Variants in CFAP54 observed in about 807,000 individuals in gnomAD.
CFAP54 encodes cilia and flagella associated protein 54.
In CFAP54, 290 loss-of-function variants were observed where a neutral mutation model predicts 370.4. The ratio of observed to expected loss-of-function variants is 0.78; its 90% CI spans 0.71 to 0.86. CFAP54 has a LOEUF of 0.86. Among genes scored for constraint, CFAP54 ranks in the 40% least tolerant of loss-of-function variants. CFAP54 has a pLI of 0.00. For missense variants in CFAP54, 3,399 were observed against 3,528.7 expected (o/e 0.96, Z 0.93); for synonymous variants, 1,206 against 1,236.5 (o/e 0.98, Z 0.52).
intron 39 of CFAP54, among the ~76,000 whole-genome samples, chr12:96,664,746 T>G (rs1180829070): frequency 1.2e-4 from 4 of 32,942 alleles, no homozygotes; most frequent in African/African-American, 5.2e-4. Flanking sequence ...TATCTATATA[T>G]ATATATATCT....
intron 20 of CFAP54, 73 bp downstream of exon 20, chr12:96,576,834 TTTGA>T (rs1310146309): frequency 3.2e-6 from 4 of 1,247,294 alleles, no homozygotes; most frequent in Non-Finnish European, 4.4e-6. Context: ...TGATTCATAC[TTTGA>T]TTGCTTTTAG....
chr12:96,533,577 C>G (rs1222090593), intron 9 of CFAP54, among the ~76,000 whole-genome samples: 1 of 152,128 alleles, frequency 6.6e-6, no homozygotes, highest in Non-Finnish European at 1.5e-5. Flanking sequence ...CCTAACTGCC[C>G]TCCTTCCCCA....
intron 13 of CFAP54, among the ~76,000 whole-genome samples, chr12:96,539,593 T>G (rs1162576943): frequency 6.6e-6 from 1 of 152,072 alleles, no homozygotes; most frequent in African/African-American, 2.4e-5. Context: ...GAGGATTGCT[T>G]GAACCCAGGA....
At chr12:96,726,549 A>G (rs1201022357) in intron 50 of CFAP54, among the ~76,000 whole-genome samples, 2 of 151,860 alleles carry the variant, frequency 1.3e-5, no homozygotes, top group Non-Finnish European at 2.9e-5. Flanking sequence ...TATTGTGTCT[A>G]TCTGATTCTT....
intron 63 of CFAP54, among the ~76,000 whole-genome samples, chr12:96,804,781 C>A (rs1308637159): frequency 6.6e-6 from 1 of 152,038 alleles, no homozygotes; most frequent in African/African-American, 2.4e-5. Flanking sequence ...GCTGGAATAG[C>A]CAAAGCAATT....
At chr12:96,870,554 A>G (rs188749521) in intron 67 of CFAP54, among the ~76,000 whole-genome samples, 12 of 152,344 alleles carry the variant, frequency 7.9e-5, no homozygotes, top group Admixed American at 7.2e-4. Flanking sequence ...ACAATGTCCA[A>G]CACATACTGG....
Position 96,684,673 on chromosome 12 carries a change from A to C in CFAP54, c.5742A>C (p.Arg1914Ser). The C allele has an allele frequency of 6.2e-7, 1 of 1,612,552 alleles. No homozygotes were observed. Among genetic ancestry groups the C allele is most frequent in the Non-Finnish European group, 8.5e-7 (1 of 1,179,520 alleles). Residue 1914 changes from arginine to serine, a missense_variant, in exon 41 of 68, where the codon AGA (arginine) becomes AGC (serine). Arg to Ser is a moderately radical substitution (Grantham distance 110, BLOSUM62 -1). Coordinates refer to ENST00000524981, the MANE Select transcript of CFAP54 (RefSeq NM_001306084.2). ...TQDVLQASNQ[R>S]SLKVQALHSL... is the part of the protein sequence containing the mutation. ...ATGTTCTCCAAGCCAGCAATCAAAG[A>C]AGTCTTAAAGTTCAGGCGTTGCATT...
chr12:96,781,353 C>T (rs1031872054), intron 60 of CFAP54, among the ~76,000 whole-genome samples: 2 of 152,016 alleles, frequency 1.3e-5, no homozygotes, highest in Non-Finnish European at 2.9e-5. Flanking sequence ...TAGAGACTGG[C>T]GTGAGTAAAA....
At chr12:96,703,493 G>C (rs1026624831) in intron 46 of CFAP54, among the ~76,000 whole-genome samples, 1 of 151,940 alleles carries the variant, frequency 6.6e-6, no homozygotes, top group Non-Finnish European at 1.5e-5. Context: ...GATGAGGGAG[G>C]GGCAAAGGGA....
chr12:96,825,879 CAA>C (rs1382192915), intron 65 of CFAP54, among the ~76,000 whole-genome samples: 1 of 132,444 alleles, frequency 7.6e-6, no homozygotes, highest in Non-Finnish European at 1.6e-5. Context: ...CAGAATATAT[CAA>C]TATATATTCA....
intron 60 of CFAP54, among the ~76,000 whole-genome samples, chr12:96,778,138 A>G (rs1445305482): frequency 1.3e-5 from 2 of 152,238 alleles, no homozygotes; most frequent in East Asian, 3.8e-4. Flanking sequence ...CTACATTTAA[A>G]ATCTAACAAG....
chr12:96,857,717 A>C (rs971126402), intron 66 of CFAP54, among the ~76,000 whole-genome samples: 11 of 152,088 alleles, frequency 7.2e-5, no homozygotes, highest in Admixed American at 4.6e-4. Context: ...GAGATCTGAT[A>C]GTTTAAAAGT....
chr12:96,534,382 G>T (rs1273839562), intron 11 of CFAP54, among the ~76,000 whole-genome samples, 155 bp downstream of exon 11: 1 of 152,186 alleles, frequency 6.6e-6, no homozygotes, highest in East Asian at 1.9e-4. Context: ...TGGCATGGGG[G>T]TATGTGTGAC....
intron 67 of CFAP54, among the ~76,000 whole-genome samples, chr12:96,864,586 C>A (rs1461522120): frequency 6.6e-6 from 1 of 152,148 alleles, no homozygotes; most frequent in African/African-American, 2.4e-5. Flanking sequence ...TGCATTGCCC[C>A]TTCCTGCCCC....
intron 46 of CFAP54, among the ~76,000 whole-genome samples, chr12:96,704,175 C>A (rs1243878771): frequency 6.6e-6 from 1 of 151,892 alleles, no homozygotes; most frequent in Admixed American, 6.6e-5. Flanking sequence ...CGCCTATAAT[C>A]CCAGCACTTT....
chr12:96,720,516 C>G lies in CFAP54; in HGVS notation c.6916C>G (p.Arg2306Gly). The G allele has an allele frequency of 6.3e-7, 1 of 1,591,884 alleles. No individual in the cohort carries two copies. Among genetic ancestry groups the G allele is most frequent in the South Asian group, 1.1e-5 (1 of 88,332 alleles). Residue 2306 changes from arginine to glycine, a missense_variant, in exon 50 of 68, where the codon CGG becomes GGG. Arg to Gly is a moderately radical substitution (Grantham distance 125). Transcript: ENST00000524981. ...CGAGCTGGAGATTGTGGTGGAGGCC[C>G]GGCTTCAGCTGGCTGCAGTTGCTCT... ...AGELEIVVEA[R>G]LQLAAVALQR...
At chr12:96,631,700 A>G (rs1231976793) in intron 32 of CFAP54, among the ~76,000 whole-genome samples, 1 of 149,272 alleles carries the variant, frequency 6.7e-6, no homozygotes, top group Non-Finnish European at 1.5e-5. Flanking sequence ...TGCATAAACA[A>G]TATATATTAT....
chr12:96,691,174 A>T lies in CFAP54; in HGVS notation c.6128A>T (p.Tyr2043Phe). The T allele has an allele frequency of 6.2e-7, 1 of 1,613,654 alleles. No individual in the cohort carries two copies. Among genetic ancestry groups the T allele is most frequent in the Non-Finnish European group, 8.5e-7 (1 of 1,179,760 alleles). ...CCACATCCCAAAGCTGAACGTTGCT[A>T]TGCTCAATATGAAATCACTCAGCTT... ...TLPHPKAERC[Y>F]AQYEITQLLP... The change falls in exon 44 of 68, where the codon TAT (tyrosine) becomes TTT (phenylalanine). Residue 2043 changes from tyrosine (Y) to phenylalanine (F), a missense_variant. Physicochemically the swap from Tyr to Phe is conservative, Grantham distance 22. This residue lies in a region of CFAP54 where 2,796 missense variants were observed against 2,869.7 expected (regional missense o/e 0.97). Coordinates refer to ENST00000524981, the MANE Select transcript of CFAP54 (RefSeq NM_001306084.2).
rs142688990 is a variant in CFAP54 at position 96,729,969 on chromosome 12, G to A, written c.6965+9404G>A. 4.5e-4 allele frequency among the ~76,000 whole-genome samples: 68 copies of A among 152,238 alleles called. No individual in the cohort carries two copies. The East Asian group carries it at 0.012, about 27-fold the overall frequency. ...TAATGAAAAAGACCCAGTACAGAGA[G>A]CAAATGTGATGTTCTGATATGATTG... is the stretch of plus-strand genomic sequence containing the variant. On this transcript the variant is annotated intron_variant, in intron 50 of 67. Coordinates refer to ENST00000524981, the MANE Select transcript of CFAP54 (RefSeq NM_001306084.2).
Sources: allele counts gnomAD v4.1 joint callset (sites outside exome capture counted in the v4.1 genomes callset), GRCh38; gene constraint gnomAD v4.1.1; regional missense constraint gnomAD v4.1.1; transcripts MANE v1.5; gene names NCBI Gene and HGNC (gene_info 2026-07-23, HGNC 2026-07-21).